PHF14: variants seen among roughly 807,000 people sequenced by gnomAD.
The protein encoded by PHF14 is PHD finger protein 14.
PHF14 carries 55 observed loss-of-function variants against 117.9 expected under a neutral mutation model. The ratio of observed to expected loss-of-function variants is 0.47; its 90% CI spans 0.38 to 0.58. The LOEUF is 0.58. PHF14 is among the 20% of genes least tolerant of loss of function. The pLI is 0.00. For synonymous variants in PHF14, 409 were observed against 368.6 expected (o/e 1.11, Z -1.26); for missense variants, 978 against 1,122.2 (o/e 0.87, Z 1.84).
intron 16 of PHF14, among the ~76,000 whole-genome samples, chr7:11,092,253 C>G (rs1230110314): frequency 1.3e-5 from 2 of 152,166 alleles, no homozygotes; most frequent in Non-Finnish European, 2.9e-5. Flanking sequence ...ATTTGCTCTA[C>G]TTTAAGACAG....
intron 4 of PHF14, among the ~76,000 whole-genome samples, chr7:11,010,772 T>A (rs1189962363): frequency 1.3e-5 from 2 of 152,070 alleles, no homozygotes; most frequent in South Asian, 4.1e-4. Flanking sequence ...CACCTCAGCC[T>A]TTCTAGCACC....
At chr7:11,117,765 A>T (rs1383510009) in intron 17 of PHF14, among the ~76,000 whole-genome samples, 1 of 151,788 alleles carries the variant, frequency 6.6e-6, no homozygotes, top group East Asian at 1.9e-4. Context: ...GTAATATTGG[A>T]AATTGAATGT....
At chr7:10,992,003 A>G (rs1030765359) in intron 4 of PHF14, among the ~76,000 whole-genome samples, 40 of 151,632 alleles carry the variant, frequency 2.6e-4, no homozygotes, top group Admixed American at 7.2e-4. Context: ...TCTGATAGAA[A>G]ACATTCTTAA....
chr7:11,098,615 T>C (rs1786967057), intron 16 of PHF14, among the ~76,000 whole-genome samples: 1 of 152,174 alleles, frequency 6.6e-6, no homozygotes, highest in African/African-American at 2.4e-5. Context: ...TCCTCACTAA[T>C]ATCCAGAGCA....
intron 17 of PHF14, among the ~76,000 whole-genome samples, chr7:11,159,608 T>C (rs1157895656): frequency 6.6e-6 from 1 of 152,100 alleles, no homozygotes; most frequent in Non-Finnish European, 1.5e-5. Context: ...ACTACATTCT[T>C]GACTTTATCA....
intron 16 of PHF14, chr7:11,109,513 TC>T (rs1379865735): frequency 4.0e-5 from 6 of 151,882 alleles, no homozygotes; most frequent in Non-Finnish European, 7.4e-5. Flanking sequence ...GAGTATGCTC[TC>T]AGTTATTTAG....
intron 16 of PHF14, chr7:11,110,612 G>C: frequency 3.1e-6 from 2 of 647,182 alleles, no homozygotes; most frequent in Non-Finnish European, 3.8e-6. Context: ...CAAAACATAA[G>C]TTTTTAAATG....
chr7:11,107,166 G>T, intron 16 of PHF14: 1 of 984,578 alleles, frequency 1.0e-6, no homozygotes, highest in Non-Finnish European at 1.2e-6. Flanking sequence ...TTAGGCATTC[G>T]ATGAAATAAA....
At chr7:11,058,219 T>A (rs1056029969) in intron 14 of PHF14, among the ~76,000 whole-genome samples, 4 of 152,224 alleles carry the variant, frequency 2.6e-5, no homozygotes, top group Non-Finnish European at 4.4e-5. Context: ...AACTGAAATT[T>A]GTCAGATAGG....
At chr7:10,990,295 G>T (rs977620545) in intron 3 of PHF14, among the ~76,000 whole-genome samples, 6 of 152,170 alleles carry the variant, frequency 3.9e-5, no homozygotes, top group African/African-American at 1.4e-4. Flanking sequence ...TAAAGTGTAA[G>T]AATCATGTCT....
chr7:11,062,339 A>G, intron 16 of PHF14: 1 of 259,712 alleles, frequency 3.9e-6, no homozygotes, highest in Non-Finnish European at 7.2e-6. Context: ...GACAAGAGAA[A>G]TTGACAGTGC....
intron 16 of PHF14, among the ~76,000 whole-genome samples, chr7:11,075,579 T>A (rs1174846697): frequency 2.0e-5 from 3 of 148,606 alleles, no homozygotes; most frequent in Non-Finnish European, 3.0e-5. Context: ...TTTTTTTTTT[T>A]TTTTTTTTTT....
Position 10,982,679 on chromosome 7 carries a change from A to G in PHF14, c.420A>G (p.Val140=), listed in dbSNP as rs777393831. Residue 140 remains valine, a synonymous_variant, in exon 3 of 18, where the codon GTA becomes GTG. Coordinates refer to ENST00000634607, the MANE Select transcript of PHF14 (RefSeq NM_001007157.2). The stretch of plus-strand genomic sequence containing the variant: ...AGAAGGAAAAAGAAAAAGCAACAGT[A>G]TCTGAGAATGTGGCTGCTTCTGCTG... ...EREKEKEKAT[V]SENVAASAAA... is the part of the protein sequence containing the mutation. The G allele has an allele frequency of 5.6e-6, 9 of 1,595,460 alleles. No individual in the cohort carries two copies. Among genetic ancestry groups the G allele is most frequent in the Non-Finnish European group, 7.7e-6 (9 of 1,170,590 alleles).
chr7:11,082,331 G>C (rs980666133), intron 16 of PHF14, among the ~76,000 whole-genome samples: 32 of 152,170 alleles, frequency 2.1e-4, no homozygotes, highest in African/African-American at 7.2e-4. Context: ...CTGGGCAACA[G>C]AGCAAGACCC....
intron 4 of PHF14, among the ~76,000 whole-genome samples, chr7:10,993,035 A>G (rs531336795): frequency 1.3e-4 from 20 of 152,172 alleles, no homozygotes; most frequent in Admixed American, 1.3e-4. Context: ...TTCTTAGTGC[A>G]TCGTATTAGG....
intron 6 of PHF14, among the ~76,000 whole-genome samples, chr7:11,023,600 GCAGA>G: frequency 1.3e-5 from 2 of 152,152 alleles, no homozygotes; most frequent in African/African-American, 2.4e-5. Flanking sequence ...GCCAAGGTGG[GCAGA>G]TCACCTGAGA....
chr7:11,051,810 C>T (rs1300168914), intron 14 of PHF14, 30 bp downstream of exon 14: 2 of 1,594,330 alleles, frequency 1.3e-6, no homozygotes, highest in Non-Finnish European at 1.7e-6. Flanking sequence ...TCATAAGCAT[C>T]ATACAATTCT....
At chr7:11,104,814 C>G in intron 16 of PHF14, 1 of 748,610 alleles carries the variant, frequency 1.3e-6, no homozygotes, top group Non-Finnish European at 1.6e-6. Flanking sequence ...CTAACAAGTT[C>G]CCAGCTGATG....
chr7:11,079,695 A>C (rs1786002187), intron 16 of PHF14, among the ~76,000 whole-genome samples: 1 of 152,110 alleles, frequency 6.6e-6, no homozygotes, highest in Non-Finnish European at 1.5e-5. Flanking sequence ...AAAATAAATT[A>C]ATTAAATATG....
Sources: allele counts gnomAD v4.1 joint callset (sites outside exome capture counted in the v4.1 genomes callset), GRCh38; gene constraint gnomAD v4.1.1; transcripts MANE v1.5; gene names NCBI Gene and HGNC (gene_info 2026-07-23, HGNC 2026-07-21).